Variants in SERPINB13 observed in about 807,000 individuals in gnomAD.
SERPINB13 encodes serpin family B member 13.
A neutral mutation model predicts 31.2 loss-of-function variants in SERPINB13; 26 were observed. That is an observed-to-expected ratio of 0.83 (90% confidence interval 0.61 to 1.15). The LOEUF is 1.15. SERPINB13 is among the 50% of genes most tolerant of loss of function. The pLI is 0.00. For synonymous variants in SERPINB13, 191 were observed against 172.4 expected, an observed-to-expected ratio of 1.11 and a Z score of -0.85; for missense variants, 510 against 469.4, an observed-to-expected ratio of 1.09 and a Z score of -0.80.
At chr18:63,594,565 G>A in intron 6 of SERPINB13, 68 bp downstream of exon 6, 14 of 1,553,664 alleles carry the variant, frequency 9.0e-6, no homozygotes, top group Non-Finnish European at 1.1e-5. Flanking sequence ...TCATGGCTGG[G>A]CGTGGTGGCT....
chr18:63,597,028 G>A lies in SERPINB13; in HGVS notation c.841G>A (p.Val281Met), dbSNP rs1912210478. 1.2e-6 allele frequency: 2 copies of A among 1,614,170 alleles called. No homozygotes were observed. The highest frequency in any genetic ancestry group is 4.5e-5 in the East Asian group (2 of 44,894). ...TCCAGGGCATATGGAAGAAAGAAAGGTGAATCTGCACTTGCCCCGGTTTGA... is the reference window on the plus strand; with the variant it reads ...TCCAGGGCATATGGAAGAAAGAAAGATGAATCTGCACTTGCCCCGGTTTGA... ...TSPGHMEERK[V>M]NLHLPRFEVE... Residue 281 changes from valine (V) to methionine (M), a missense_variant, in exon 8 of 8, where the codon GTG becomes ATG. Coordinates refer to ENST00000344731, the MANE Select transcript of SERPINB13 (RefSeq NM_012397.4).
chr18:63,595,198 C>T lies in SERPINB13; in HGVS notation c.771+14C>T, dbSNP rs758435217. The T allele has an allele frequency of 6.3e-6, 10 of 1,592,944 alleles. No individual in the cohort carries two copies. The Admixed American group carries it at 7.4e-5, about 12-fold the overall frequency. On this transcript the variant is annotated intron_variant, in intron 7 of 7. Coordinates refer to ENST00000344731, the MANE Select transcript of SERPINB13 (RefSeq NM_012397.4). ...GGCCTGGAGAAGGTAAACGCTTACACCTCCTTATTCTTTCTTTCATTTCCT... is the reference window on the plus strand; with the variant it reads ...GGCCTGGAGAAGGTAAACGCTTACATCTCCTTATTCTTTCTTTCATTTCCT...
chr18:63,595,192 C>T lies in SERPINB13; in HGVS notation c.771+8C>T, dbSNP rs1480453678. 1.2e-6 allele frequency: 2 copies of T among 1,602,316 alleles called. No individual in the cohort carries two copies. The highest frequency in any genetic ancestry group is 3.5e-5 in the Admixed American group (2 of 56,638). ...ATCGATGGCCTGGAGAAGGTAAACG[C>T]TTACACCTCCTTATTCTTTCTTTCA... On this transcript the variant is annotated splice_region_variant and intron_variant, in intron 7 of 7. Transcript: ENST00000344731.
intron 5 of SERPINB13, 101 bp downstream of exon 5, chr18:63,593,072 T>C: frequency 2.6e-6 from 2 of 758,562 alleles, no homozygotes; most frequent in South Asian, 1.7e-5. Flanking sequence ...AGCCCTGGAC[T>C]TGTCACTGCG....
intron 3 of SERPINB13, among the ~76,000 whole-genome samples, chr18:63,591,127 G>T (rs914085818): frequency 2.6e-5 from 4 of 151,978 alleles, no homozygotes; most frequent in Admixed American, 2.6e-4. Flanking sequence ...CACCTTCCTT[G>T]AGCACGCCCC....
In SERPINB13 at chr18:63,595,599, G is replaced by T. The variant is rs781245867; in HGVS notation, c.771+415G>T. On this transcript the variant is annotated intron_variant, in intron 7 of 7. Coordinates refer to ENST00000344731, the MANE Select transcript of SERPINB13 (RefSeq NM_012397.4). ...TTGATTTAGTCTCATCCATTCTGTG[G>T]TTAAAAAAATTATGTGAAGGCCGGG... Among the ~76,000 whole-genome samples, 12 of 152,200 alleles carry T rather than the reference G, an allele frequency of 7.9e-5. No individual in the cohort carries two copies. In the South Asian group the frequency reaches 1.2e-3, roughly 16 times the overall value.
chr18:63,592,768 TG>T, intron 4 of SERPINB13, 85 bp from the exon 5 acceptor site: 1 of 892,814 alleles, frequency 1.1e-6, no homozygotes, highest in Non-Finnish European at 1.8e-6. Context: ...GTCATCCTAA[TG>T]TATACATAAA....
At chr18:63,594,560 G>T in intron 6 of SERPINB13, 63 bp downstream of exon 6, 1 of 1,565,508 alleles carries the variant, frequency 6.4e-7, no homozygotes, top group African/African-American at 1.4e-5. Context: ...TAAAGTCATG[G>T]CTGGGCGTGG....
At chr18:63,589,982 A>G (rs1911756948) in intron 3 of SERPINB13, 1 of 532,758 alleles carries the variant, frequency 1.9e-6, no homozygotes. Context: ...GCTAATAGAC[A>G]GAAAAGTTCC....
Position 63,588,629 on chromosome 18 carries a change from ATTG to A in SERPINB13, c.-17-16_-17-14del, listed in dbSNP as rs747685623. 5.0e-6 allele frequency: 8 copies of A among 1,610,216 alleles called. No homozygotes were observed. Among genetic ancestry groups the A allele is most frequent in the East Asian group, 4.5e-5 (2 of 44,854 alleles). ...AGAGTAATTCAAATGTTCAGTTTTG[ATTG>A]TTGTTCTTGCTATTCTAGGTCTCGC... On this transcript the variant is annotated intron_variant, in intron 1 of 7. Transcript: ENST00000344731.
chr18:63,589,450 A>ATC (rs1375191284), intron 2 of SERPINB13, among the ~76,000 whole-genome samples: 3 of 86,808 alleles, frequency 3.5e-5, no homozygotes, highest in African/African-American at 1.2e-4. Context: ...GCAAAACTCC[A>ATC]TCACACACAC....
intron 6 of SERPINB13, 23 bp downstream of exon 6, chr18:63,594,520 G>A (rs763402842): frequency 6.8e-6 from 11 of 1,611,104 alleles, no homozygotes; most frequent in Admixed American, 3.3e-5. Context: ...GTTTATTTTC[G>A]TGATGTGCTT....
At chr18:63,589,451 TCACACA>T (rs112829867) in intron 2 of SERPINB13, among the ~76,000 whole-genome samples, 199 bp from the exon 3 acceptor site, 1,372 of 111,990 alleles carry the variant, frequency 0.012, 26 homozygotes, top group African/African-American at 0.036. Flanking sequence ...CAAAACTCCA[TCACACA>T]CACACACACA....
rs186737026 is a variant in SERPINB13, at chr18:63,589,490, C to T, written c.166-166C>T. 4.0e-5 allele frequency among the ~76,000 whole-genome samples: 6 copies of T among 151,120 alleles called. 1 individual carries two copies. Among genetic ancestry groups the T allele is most frequent in the East Asian group, 3.9e-4 (2 of 5,168 alleles). The stretch of plus-strand genomic sequence containing the variant: ...ACACACACACACACACACACACACA[C>T]GAAAAATCAGAGGTAAACGCAGACC... On this transcript the variant is annotated intron_variant, in intron 2 of 7. Transcript: ENST00000344731.
chr18:63,592,998 C>A, intron 5 of SERPINB13, 27 bp downstream of exon 5: 4 of 1,342,596 alleles, frequency 3.0e-6, no homozygotes, highest in Non-Finnish European at 4.2e-6. Flanking sequence ...TCATTCATTG[C>A]AAAAAAACAA....
Position 63,594,379 on chromosome 18 carries a change from A to T in SERPINB13, c.497A>T (p.Asp166Val). ...GAAAAAATCAAGGACTTGTTCCCAG[A>T]TGGCTCTATTAGTAGCTCTACCAAG... ...TNEKIKDLFP[D>V]GSISSSTKLV... Residue 166 changes from aspartate to valine, a missense_variant, in exon 6 of 8, where the codon GAT becomes GTT. Transcript: ENST00000344731. 1 of 1,614,138 alleles carries T rather than the reference A, an allele frequency of 6.2e-7. No homozygotes were observed. Among genetic ancestry groups the T allele is most frequent in the South Asian group, 1.1e-5 (1 of 91,076 alleles).
Position 63,597,399 on chromosome 18 carries a change from A to G in SERPINB13, c.*36A>G, listed in dbSNP as rs767935031. ...GCCATGGCATTGCTGCTTTTAGCAA[A>G]AAACAACTACCAGTGTTACTCATAT... On this transcript the variant is annotated 3_prime_UTR_variant, in exon 8 of 8. Coordinates refer to ENST00000344731, the MANE Select transcript of SERPINB13 (RefSeq NM_012397.4). The G allele has an allele frequency of 6.4e-7, 1 of 1,567,230 alleles. No homozygotes were observed. Among genetic ancestry groups the G allele is most frequent in the Non-Finnish European group, 8.7e-7 (1 of 1,153,714 alleles).
chr18:63,596,898 T>A, intron 7 of SERPINB13, 61 bp from the exon 8 acceptor site: 1 of 1,328,598 alleles, frequency 7.5e-7, no homozygotes, highest in South Asian at 1.4e-5. Flanking sequence ...AAATCAGTGT[T>A]ACACTGTTTT....
At chr18:63,592,760 C>A in intron 4 of SERPINB13, 94 bp from the exon 5 acceptor site, 2 of 844,200 alleles carry the variant, frequency 2.4e-6, no homozygotes, top group Non-Finnish European at 3.8e-6. Context: ...CTGTATTAGT[C>A]ATCCTAATGT....
Sources: allele counts gnomAD v4.1 joint callset (sites outside exome capture counted in the v4.1 genomes callset), GRCh38; gene constraint gnomAD v4.1.1; transcripts MANE v1.5; gene names NCBI Gene and HGNC (gene_info 2026-07-23, HGNC 2026-07-21).